The following PLPP1 variants were observed in gnomAD, a reference collection of about 807,000 sequenced individuals.
The protein encoded by PLPP1 is lipid phosphate phosphohydrolase 1a.
Under a neutral mutation model 31.2 loss-of-function variants are expected in PLPP1, and 24 were observed. That is an observed-to-expected ratio of 0.77 (90% CI 0.56 to 1.08). PLPP1 has a LOEUF of 1.08. Among genes scored for constraint, PLPP1 ranks in the 50% least tolerant of loss-of-function variants. The pLI, the probability that PLPP1 is intolerant of heterozygous loss-of-function variation, is 0.00. For missense variants in PLPP1, 319 were observed against 342.7 expected, an observed-to-expected ratio of 0.93 and a Z score of 0.55; for synonymous variants, 146 against 126.3, an observed-to-expected ratio of 1.16 and a Z score of -1.05.
chr5:55,445,002 G>A (rs556760991), intron 3 of PLPP1, among the ~76,000 whole-genome samples: 5 of 152,130 alleles, frequency 3.3e-5, no homozygotes, highest in African/African-American at 4.8e-5. Flanking sequence ...TGCCCGCCTC[G>A]GCCTCCCAAA....
At chr5:55,521,049 C>T (rs1439351591) in intron 1 of PLPP1, among the ~76,000 whole-genome samples, 11 of 151,460 alleles carry the variant, frequency 7.3e-5, no homozygotes, top group Admixed American at 5.3e-4. Context: ...TCATCTCTAC[C>T]GAAAAATCAA....
chr5:55,505,522 C>G (rs1466530910), intron 1 of PLPP1, among the ~76,000 whole-genome samples: 1 of 151,758 alleles, frequency 6.6e-6, no homozygotes, highest in Non-Finnish European at 1.5e-5. Flanking sequence ...CTACTATTTG[C>G]CTGATATTTG....
chr5:55,492,395 A>C (rs950652085), intron 1 of PLPP1, among the ~76,000 whole-genome samples: 2 of 152,202 alleles, frequency 1.3e-5, no homozygotes, highest in African/African-American at 4.8e-5. Context: ...TGTAAAGTTA[A>C]GAAGAAATAC....
chr5:55,426,445 A>T (rs191323533), intron 4 of PLPP1, among the ~76,000 whole-genome samples: 38 of 152,180 alleles, frequency 2.5e-4, no homozygotes, highest in African/African-American at 9.2e-4. Context: ...TGTTGCCCAG[A>T]CTGGAGTGCA....
intron 1 of PLPP1, among the ~76,000 whole-genome samples, chr5:55,521,837 T>C (rs1309846058): frequency 6.6e-6 from 1 of 152,222 alleles, no homozygotes; most frequent in East Asian, 1.9e-4. Flanking sequence ...AGTTTTGTGA[T>C]GATTACATGA....
chr5:55,472,712 AAG>A lies in PLPP1; in HGVS notation c.210+2585_210+2586del, dbSNP rs369234141. 3.8e-4 allele frequency among the ~76,000 whole-genome samples: 58 copies of A among 151,412 alleles called. No homozygotes were observed. The East Asian group carries it at 4.3e-3, about 11-fold the overall frequency. ...AGACAGAAAGAGAGAGAAAAAGAGA[AAG>A]AGAGAGAGAAGAGGAAGAGGAGGAA... On this transcript the variant is annotated intron_variant, in intron 2 of 5. Coordinates refer to ENST00000307259, the MANE Select transcript of PLPP1 (RefSeq NM_003711.4).
At chr5:55,449,011 A>C (rs1000481415) in intron 3 of PLPP1, among the ~76,000 whole-genome samples, 10 of 152,230 alleles carry the variant, frequency 6.6e-5, no homozygotes, top group South Asian at 2.1e-4. Context: ...AAAAGTCTGT[A>C]TACGTTCAGT....
chr5:55,455,777 C>G, intron 3 of PLPP1, among the ~76,000 whole-genome samples: 1 of 152,130 alleles, frequency 6.6e-6, no homozygotes, highest in African/African-American at 2.4e-5. Flanking sequence ...AGCTGTGGTG[C>G]CAAGATCAAG....
intron 3 of PLPP1, among the ~76,000 whole-genome samples, chr5:55,455,917 A>G (rs559239767): frequency 2.0e-4 from 30 of 152,318 alleles, no homozygotes; most frequent in African/African-American, 7.2e-4. Context: ...ACTCTAATGA[A>G]CCATTAAAAT....
chr5:55,482,620 T>C (rs1453049024), intron 1 of PLPP1, among the ~76,000 whole-genome samples: 3 of 152,100 alleles, frequency 2.0e-5, no homozygotes, highest in African/African-American at 4.8e-5. Context: ...ATGTGAGCAA[T>C]AGACTGTTTG....
Position 55,515,180 on chromosome 5 carries a change from A to T in PLPP1, c.58+19392T>A, listed in dbSNP as rs1226584873. Among the ~76,000 whole-genome samples, 5 of 152,250 alleles carry T rather than the reference A, an allele frequency of 3.3e-5. 1 individual carries two copies. Among genetic ancestry groups the T allele is most frequent in the Admixed American group, 3.3e-4 (5 of 15,290 alleles). On this transcript the variant is annotated intron_variant, in intron 1 of 5. Coordinates refer to ENST00000307259, the MANE Select transcript of PLPP1 (RefSeq NM_003711.4). ...CTTGGTGATAGTTAGAAAACAATAT[A>T]TCAAATTCTCAGCAATGAGGGTTCT...
intron 4 of PLPP1, among the ~76,000 whole-genome samples, chr5:55,427,087 TAAAA>T (rs3070034): frequency 7.2e-4 from 108 of 150,482 alleles, no homozygotes; most frequent in African/African-American, 2.6e-3. Flanking sequence ...CTGCTCTCAT[TAAAA>T]AAAAAAAAAA....
chr5:55,485,398 G>A (rs34802366), intron 1 of PLPP1, among the ~76,000 whole-genome samples: 26,496 of 152,104 alleles, frequency 0.17, 3,063 homozygotes, highest in Non-Finnish European at 0.26. Context: ...AGTCAGCTAC[G>A]TAGACTGCTG....
intron 3 of PLPP1, among the ~76,000 whole-genome samples, chr5:55,446,568 A>G (rs902214994): frequency 7.2e-5 from 11 of 152,160 alleles, no homozygotes; most frequent in African/African-American, 2.4e-4. Flanking sequence ...GTTTCCACAT[A>G]GGTCCATTTA....
chr5:55,463,780 C>CATAAATAAATAA (rs58202815), intron 3 of PLPP1, among the ~76,000 whole-genome samples: 137 of 131,416 alleles, frequency 1.0e-3, no homozygotes, highest in African/African-American at 2.9e-3. Context: ...GACCCTGTCC[C>CATAAATAAATAA]ATAAATAAAT....
At chr5:55,469,248 G>C (rs981951309) in intron 2 of PLPP1, among the ~76,000 whole-genome samples, 4 of 152,056 alleles carry the variant, frequency 2.6e-5, no homozygotes, top group Admixed American at 2.0e-4. Context: ...AGCACTTTGG[G>C]AGGCCGAGGC....
At position 55,527,442 on chromosome 5, in the gene PLPP1, C is replaced by CCA. The variant is rs1322822660; in HGVS notation, c.58+7128_58+7129dup. On this transcript the variant is annotated intron_variant, in intron 1 of 5. Coordinates refer to ENST00000307259, the MANE Select transcript of PLPP1 (RefSeq NM_003711.4). The stretch of plus-strand genomic sequence containing the variant: ...CCACATTTGGAGCATGCTGAGGGAA[C>CCA]CATAACCCCCTCCCTCCCAAGAAAG... Among the ~76,000 whole-genome samples the CCA allele has an allele frequency of 2.6e-5, 4 of 152,292 alleles. No individual in the cohort carries two copies. In the East Asian group the frequency reaches 7.7e-4, roughly 29 times the overall value.
rs756220915 is a variant in PLPP1, at chr5:55,534,608, G to T, written c.22C>A (p.Pro8Thr). 11 of 1,557,856 alleles carry T rather than the reference G, an allele frequency of 7.1e-6. No homozygotes were observed. In the African/African-American group the frequency reaches 1.1e-4, roughly 16 times the overall value. ...CAGAGCACATCGAGGGCCACGTACG[G>T]CAGCCGCGTCTTGTCAAACATGGTC... is the stretch of plus-strand genomic sequence containing the variant. Reference protein sequence around the residue: MFDKTRLPYVALDVLCVL... With the variant: MFDKTRLTYVALDVLCVL... Residue 8 changes from proline (P) to threonine (T), a missense_variant, in exon 1 of 6, where the codon CCG becomes ACG. By Grantham distance (38) the Pro-to-Thr change is conservative. Transcript: ENST00000307259.
At chr5:55,481,061 A>G (rs1752658384) in intron 1 of PLPP1, among the ~76,000 whole-genome samples, 1 of 152,216 alleles carries the variant, frequency 6.6e-6, no homozygotes, top group Admixed American at 6.5e-5. Context: ...TACTGCTTCC[A>G]CAAACCAAAT....
Sources: gnomAD v4.1 joint callset for allele counts (sites outside exome capture counted in the v4.1 genomes callset) on GRCh38, gnomAD v4.1.1 for gene constraint, MANE v1.5 for transcripts, NCBI Gene and HGNC (gene_info 2026-07-23, HGNC 2026-07-21) for gene names.